IHO1: variants seen among roughly 807,000 people sequenced by gnomAD.
IHO1 encodes interactor of HORMAD1 1.
In IHO1, 13 loss-of-function variants were observed where a neutral mutation model predicts 31.0. The ratio of observed to expected loss-of-function variants is 0.42; its 90% CI spans 0.27 to 0.67. The LOEUF is 0.67. Ranked by LOEUF, IHO1 falls within the 30% of genes least tolerant of loss-of-function variation. The pLI is 0.24. For synonymous variants in IHO1, 221 were observed against 248.4 expected (o/e 0.89, Z 1.04); for missense variants, 599 against 687.5 (o/e 0.87, Z 1.44).
chr3:49,202,176 T>C (rs1383668257), intron 1 of IHO1, among the ~76,000 whole-genome samples: 1 of 152,042 alleles, frequency 6.6e-6, no homozygotes, highest in Admixed American at 6.6e-5. Flanking sequence ...GACAAGTTAA[T>C]AGTGTATTAG....
chr3:49,203,909 C>T (rs1437838922), intron 1 of IHO1, among the ~76,000 whole-genome samples: 1 of 152,170 alleles, frequency 6.6e-6, no homozygotes, highest in Non-Finnish European at 1.5e-5. Flanking sequence ...GGGAAGACCA[C>T]AGGAGGAGAG....
rs773349208 is a variant in IHO1, at chr3:49,256,561, C to T, written c.1064C>T (p.Thr355Ile). ...CATGTAAAGGACAAGGTGGTGCAGACTAACTGCAAGAACTGGGCTGTTACT... is the reference window on the plus strand; with the variant it reads ...CATGTAAAGGACAAGGTGGTGCAGATTAACTGCAAGAACTGGGCTGTTACT... Reference protein sequence around the residue: ...NRHVKDKVVQTNCKNWAVTKT... With the variant: ...NRHVKDKVVQINCKNWAVTKT... Residue 355 changes from threonine to isoleucine, a missense_variant, in exon 8 of 8, where the codon ACT becomes ATT. Thr to Ile is a moderately conservative substitution (Grantham distance 89). Coordinates refer to ENST00000452691, the MANE Select transcript of IHO1 (RefSeq NM_001135197.2). This position sits in a 1 kb window ranked among gnomAD's most constrained non-coding sequence, Gnocchi z 4.6. 1.2e-5 allele frequency: 20 copies of T among 1,614,174 alleles called. No homozygotes were observed. Among genetic ancestry groups the T allele is most frequent in the Non-Finnish European group, 1.7e-5 (20 of 1,180,038 alleles).
intron 2 of IHO1, among the ~76,000 whole-genome samples, chr3:49,217,645 A>T (rs901643377): frequency 6.3e-5 from 1 of 15,970 alleles, no homozygotes; most frequent in African/African-American, 1.8e-4. Context: ...AGTATAATAA[A>T]AAAAAAAAAA....
chr3:49,220,156 G>C (rs2046336227), intron 2 of IHO1, among the ~76,000 whole-genome samples: 1 of 152,188 alleles, frequency 6.6e-6, no homozygotes, highest in Non-Finnish European at 1.5e-5. Flanking sequence ...TTCTCTGTTA[G>C]GATACACCCC....
chr3:49,205,685 C>T (rs1441444301), intron 1 of IHO1, among the ~76,000 whole-genome samples: 1 of 151,618 alleles, frequency 6.6e-6, no homozygotes, highest in Non-Finnish European at 1.5e-5. Context: ...ATTGCAGCCT[C>T]CACCTCCTGG....
At chr3:49,230,730 C>T (rs1449476247) in intron 2 of IHO1, among the ~76,000 whole-genome samples, 1 of 152,128 alleles carries the variant, frequency 6.6e-6, no homozygotes, top group Admixed American at 6.6e-5. Flanking sequence ...TACTTGGCGA[C>T]CTTGGTAAAT....
chr3:49,200,528 ATTGTCGC>A (rs1354582929), intron 1 of IHO1: 2 of 963,036 alleles, frequency 2.1e-6, no homozygotes, highest in African/African-American at 3.6e-5. Context: ...AAGAAAAAAG[ATTGTCGC>A]AGTAGAGTTG....
chr3:49,201,781 G>T (rs1371927486), intron 1 of IHO1, among the ~76,000 whole-genome samples: 1 of 152,088 alleles, frequency 6.6e-6, no homozygotes, highest in Non-Finnish European at 1.5e-5. Context: ...AGCCAGGTAT[G>T]ATGGCGTGCA....
At chr3:49,224,423 ATAATT>A (rs1184977982) in intron 2 of IHO1, among the ~76,000 whole-genome samples, 9 of 152,252 alleles carry the variant, frequency 5.9e-5, no homozygotes, top group African/African-American at 2.2e-4. Context: ...CAATAACTCC[ATAATT>A]TCCTTGTGGT....
chr3:49,254,606 G>A (rs2046801829), intron 6 of IHO1, among the ~76,000 whole-genome samples: 1 of 152,136 alleles, frequency 6.6e-6, no homozygotes, highest in Non-Finnish European at 1.5e-5. Context: ...CAGAAACAGG[G>A]TACTTGAAGC....
intron 2 of IHO1, among the ~76,000 whole-genome samples, chr3:49,222,353 G>A (rs2046364143): frequency 6.6e-6 from 1 of 152,158 alleles, no homozygotes; most frequent in Non-Finnish European, 1.5e-5. Flanking sequence ...GCTAGGGGAA[G>A]GGGAGGGGCA....
upstream of IHO1, among the ~76,000 whole-genome samples, chr3:49,197,634 G>A (rs552611340): frequency 4.6e-5 from 7 of 152,152 alleles, no homozygotes; most frequent in East Asian, 1.4e-3. Flanking sequence ...CAGCACTTTG[G>A]GAGGCTGAGG....
chr3:49,252,297 T>TGCAGTTTCCAGAAGGCA (rs1364268645), intron 6 of IHO1: 35 of 154,234 alleles, frequency 2.3e-4, no homozygotes, highest in African/African-American at 8.4e-4. Flanking sequence ...GTGAGGCATA[T>TGCAGTTTCCAGAAGGCA]GCAGTTTCCA....
intron 3 of IHO1, among the ~76,000 whole-genome samples, chr3:49,238,371 C>T (rs1367386036): frequency 3.3e-5 from 5 of 152,072 alleles, no homozygotes; most frequent in South Asian, 2.1e-4. Flanking sequence ...TGGCAGGAAT[C>T]AGAGGACCAG....
chr3:49,194,300 A>G (rs2045984855), upstream of IHO1, among the ~76,000 whole-genome samples: 1 of 117,672 alleles, frequency 8.5e-6, no homozygotes, highest in Non-Finnish European at 1.9e-5. Context: ...GTGTATATAT[A>G]TATATATATA....
rs148900099 is a variant in IHO1 at position 49,203,922 on chromosome 3, C to T, written c.-16+4349C>T. On this transcript the variant is annotated intron_variant, in intron 1 of 7. Coordinates refer to ENST00000452691, the MANE Select transcript of IHO1 (RefSeq NM_001135197.2). ...ATGGGAAGACCACAGGAGGAGAGTGCTTAGGGGAAGTTATGAGGATCTTGG... is the reference window on the plus strand; with the variant it reads ...ATGGGAAGACCACAGGAGGAGAGTGTTTAGGGGAAGTTATGAGGATCTTGG... Among the ~76,000 whole-genome samples, 905 of 152,218 alleles carry T rather than the reference C, an allele frequency of 5.9e-3. 9 individuals carry two copies. Among genetic ancestry groups the T allele is most frequent in the African/African-American group, 0.02 (844 of 41,538 alleles).
chr3:49,226,028 A>G (rs1296081417), intron 2 of IHO1, among the ~76,000 whole-genome samples: 1 of 152,196 alleles, frequency 6.6e-6, no homozygotes, highest in Non-Finnish European at 1.5e-5. Context: ...CATAATGGAC[A>G]TAAGTGAAGG....
intron 2 of IHO1, among the ~76,000 whole-genome samples, chr3:49,222,167 G>T (rs931439115): frequency 2.0e-5 from 3 of 152,182 alleles, no homozygotes; most frequent in Non-Finnish European, 2.9e-5. Flanking sequence ...AGATAAACTG[G>T]CTATTCTGGT....
chr3:49,253,806 ATTTCAAGAGGGC>A (rs1285912755), intron 6 of IHO1, among the ~76,000 whole-genome samples: 42 of 148,054 alleles, frequency 2.8e-4, no homozygotes, highest in Admixed American at 9.5e-4. Context: ...TAAGATTGCA[ATTTCAAGAGGGC>A]TTTATTTGTC....
Sources: allele counts gnomAD v4.1 joint callset (sites outside exome capture counted in the v4.1 genomes callset), GRCh38; gene constraint gnomAD v4.1.1; non-coding constraint Gnocchi (gnomAD v3.1); transcripts MANE v1.5; gene names NCBI Gene and HGNC (gene_info 2026-07-23, HGNC 2026-07-21).